REELD1: variants seen among roughly 807,000 people sequenced by gnomAD.
REELD1 encodes reeler domain containing 1.
REELD1 carries 12 observed loss-of-function variants against 6.3 expected under a neutral mutation model. That is an observed-to-expected ratio of 1.89 (90% CI 1.21 to 3.07). REELD1 has a LOEUF of 3.07. REELD1 is among the 30% of genes most tolerant of loss of function. REELD1 has a pLI of 0.00. For synonymous variants in REELD1, 57 were observed against 33.6 expected, an observed-to-expected ratio of 1.70 and a Z score of -2.42; for missense variants, 163 against 86.8, an observed-to-expected ratio of 1.88 and a Z score of -3.49.
chr4:146,223,454 C>G (rs573319008), intron 4 of REELD1, among the ~76,000 whole-genome samples: 5 of 152,368 alleles, frequency 3.3e-5, no homozygotes, highest in African/African-American at 1.2e-4. Flanking sequence ...CCAGGGCCCG[C>G]TTACCTGTGG....
chr4:146,231,896 C>T lies in REELD1; in HGVS notation c.*1383C>T, dbSNP rs1731138016. 3 of 152,204 alleles carry T rather than the reference C, an allele frequency of 2.0e-5. No homozygotes were observed. The highest frequency in any genetic ancestry group is 2.0e-4 in the Admixed American group (3 of 15,280). The allele number at this position is 152,204 out of a possible 1,614,324, so 9.4% of individuals were successfully genotyped here. On this transcript the variant is annotated 3_prime_UTR_variant, in exon 8 of 8. Coordinates refer to ENST00000623665, the MANE Select transcript of REELD1 (RefSeq NM_001354631.1). ...CTCCTGGATTCTGGGCTAGGTAGCT[C>T]TGTTCCCTGGCTTCAGCCATTAGAT...
intron 3 of REELD1, among the ~76,000 whole-genome samples, chr4:146,217,434 G>A (rs1730846689): frequency 6.6e-6 from 1 of 151,950 alleles, no homozygotes; most frequent in Admixed American, 6.6e-5. Flanking sequence ...TTTAGAGACA[G>A]GGTCTTTGTA....
Position 146,230,166 on chromosome 4 carries a change from G to A in REELD1, c.1234G>A (p.Gly412Ser), listed in dbSNP as rs1169018775. 1 of 398,720 alleles carries A rather than the reference G, an allele frequency of 2.5e-6. No homozygotes were observed. Among genetic ancestry groups the A allele is most frequent in the Non-Finnish European group, 4.4e-6 (1 of 226,254 alleles). The allele number at this position is 398,720 out of a possible 1,614,324, so 24.7% of individuals were successfully genotyped here. Residue 412 changes from glycine (G) to serine (S), a missense_variant, in exon 8 of 8, where the codon GGT becomes AGT. Coordinates refer to ENST00000623665, the MANE Select transcript of REELD1 (RefSeq NM_001354631.1). Reference protein sequence around the residue: ...ELRAGKGNGEGGVGYPRQTNP... With the variant: ...ELRAGKGNGESGVGYPRQTNP... ...CAGAGCAGGGAAGGGAAATGGAGAG[G>A]GTGGAGTGGGATACCCTCGGCAGAC...
intron 3 of REELD1, among the ~76,000 whole-genome samples, chr4:146,219,107 G>T (rs926272645): frequency 6.6e-6 from 1 of 152,154 alleles, no homozygotes; most frequent in Non-Finnish European, 1.5e-5. Context: ...AACTGAGATA[G>T]CCCCACTGCA....
In REELD1 at chr4:146,228,300, C is replaced by A; in HGVS notation, c.686C>A (p.Pro229His). The stretch of plus-strand genomic sequence containing the variant: ...GCTGCAGAGGAGGACAACCTAGATC[C>A]TGTTCCTGCCAGTATTTGGGTGACA... ...PGAAEEDNLDPVPASIWVTKF... is the reference protein window; with the variant it reads ...PGAAEEDNLDHVPASIWVTKF... The change falls in exon 6 of 8, where the codon CCT becomes CAT. Residue 229 changes from proline (P) to histidine (H), a missense_variant. Pro to His is a moderately conservative substitution (Grantham distance 77). Transcript: ENST00000623665. 1.4e-6 allele frequency: 1 copy of A among 702,588 alleles called. No homozygotes were observed. Among genetic ancestry groups the A allele is most frequent in the Non-Finnish European group, 2.6e-6 (1 of 385,008 alleles). 43.5% of individuals were successfully genotyped at this position (702,588 alleles called of 1,614,324 possible).
At chr4:146,225,514 C>A (rs1731005706) in intron 5 of REELD1, among the ~76,000 whole-genome samples, 1 of 152,128 alleles carries the variant, frequency 6.6e-6, no homozygotes, top group Admixed American at 6.6e-5. Flanking sequence ...TGCCCCACAA[C>A]CTTTGTCTTC....
At chr4:146,228,600 C>CA in intron 6 of REELD1, 78 bp downstream of exon 6, 1 of 610,632 alleles carries the variant, frequency 1.6e-6, no homozygotes, top group Non-Finnish European at 2.9e-6. Context: ...TGGAGTCTGA[C>CA]AAAAAAGATC....
chr4:146,227,778 C>G (rs1238567854), intron 5 of REELD1, among the ~76,000 whole-genome samples: 1 of 152,118 alleles, frequency 6.6e-6, no homozygotes, highest in South Asian at 2.1e-4. Flanking sequence ...AGCAGATGTT[C>G]AAGTCATTAT....
At position 146,221,781 on chromosome 4, in the gene REELD1, C is replaced by T. The variant is rs1443080362; in HGVS notation, c.209-576C>T. ...GGCTGAGGCAGGAGAATCGCCTGAA[C>T]CCAGGAGGCAGAGGTTGCAGTGAGC... is the stretch of plus-strand genomic sequence containing the variant. On this transcript the variant is annotated intron_variant, in intron 3 of 7. Coordinates refer to ENST00000623665, the MANE Select transcript of REELD1 (RefSeq NM_001354631.1). 2.0e-5 allele frequency among the ~76,000 whole-genome samples: 3 copies of T among 152,098 alleles called. No individual in the cohort carries two copies. The East Asian group carries it at 5.8e-4, about 29-fold the overall frequency.
chr4:146,229,284 A>G (rs1578703297), intron 7 of REELD1, among the ~76,000 whole-genome samples, 196 bp downstream of exon 7: 1 of 152,210 alleles, frequency 6.6e-6, no homozygotes, highest in Admixed American at 6.5e-5. Context: ...GTGATCGGCA[A>G]TTGTAGAAAT....
In REELD1 at chr4:146,217,178, T is replaced by C. The variant is rs1303225827; in HGVS notation, c.208+18T>C. 1 of 399,030 alleles carries C rather than the reference T, an allele frequency of 2.5e-6. No individual in the cohort carries two copies. Among genetic ancestry groups the C allele is most frequent in the Non-Finnish European group, 4.4e-6 (1 of 226,338 alleles). 24.7% of individuals were successfully genotyped at this position (399,030 alleles called of 1,614,324 possible). Reference sequence around the variant, plus strand: ...GATTCCAGGTATGTACCAGAGAGGCTTAGAGAGACTCCGAGGAGCCCCAGA... The same window carrying C: ...GATTCCAGGTATGTACCAGAGAGGCCTAGAGAGACTCCGAGGAGCCCCAGA... On this transcript the variant is annotated intron_variant, in intron 3 of 7. Coordinates refer to ENST00000623665, the MANE Select transcript of REELD1 (RefSeq NM_001354631.1).
At chr4:146,222,253 T>C in intron 3 of REELD1, 104 bp from the exon 4 acceptor site, 1 of 397,698 alleles carries the variant, frequency 2.5e-6, no homozygotes, top group Non-Finnish European at 4.4e-6. Flanking sequence ...TTGTTCACTT[T>C]CTGGGGGCTG....
chr4:146,229,015 T>C lies in REELD1; in HGVS notation c.909-10T>C, dbSNP rs775471985. ...TGACCTGTTTTCAGCCCTTCCATTC[T>C]TCCCTTTAGAACTCAGGATGATCCC... On this transcript the variant is annotated splice_polypyrimidine_tract_variant and intron_variant, in intron 6 of 7. Transcript: ENST00000623665. 2 of 702,416 alleles carry C rather than the reference T, an allele frequency of 2.8e-6. No homozygotes were observed. The highest frequency in any genetic ancestry group is 3.0e-5 in the South Asian group (2 of 67,556). 43.5% of individuals were successfully genotyped at this position (702,416 alleles called of 1,614,324 possible). A position where few individuals can be genotyped will look rare whatever the true frequency, so the allele number is the denominator to read the frequency against.
intron 7 of REELD1, 89 bp downstream of exon 7, chr4:146,229,177 C>T (rs1300379000): frequency 4.5e-5 from 30 of 664,836 alleles, no homozygotes; most frequent in Non-Finnish European, 7.1e-5. Context: ...AGCTATTAGA[C>T]TAGTAGCCAA....
rs1377745824 is a variant in REELD1, at chr4:146,231,649, T to C, written c.*1136T>C. On this transcript the variant is annotated 3_prime_UTR_variant, in exon 8 of 8. Coordinates refer to ENST00000623665, the MANE Select transcript of REELD1 (RefSeq NM_001354631.1). The stretch of plus-strand genomic sequence containing the variant: ...AAAGGATATTTGTTTATTGAACACC[T>C]AATTCATACGGGAACTGTGCTAAGT... Among the ~76,000 whole-genome samples the C allele has an allele frequency of 1.3e-5, 2 of 152,242 alleles. No homozygotes were observed. The highest frequency in any genetic ancestry group is 2.9e-5 in the Non-Finnish European group (2 of 68,050).
chr4:146,226,181 T>C (rs769732698), intron 5 of REELD1, among the ~76,000 whole-genome samples: 1 of 152,202 alleles, frequency 6.6e-6, no homozygotes, highest in African/African-American at 2.4e-5. Flanking sequence ...CTGAAACTTA[T>C]CTCCCAATAG....
At chr4:146,223,834 T>G (rs555973508) in intron 4 of REELD1, among the ~76,000 whole-genome samples, 1 of 152,374 alleles carries the variant, frequency 6.6e-6, no homozygotes, top group Admixed American at 6.5e-5. Context: ...TTAATCACCT[T>G]GTTATGTCTG....
intron 3 of REELD1, among the ~76,000 whole-genome samples, chr4:146,218,087 G>C (rs1325411347): frequency 1.3e-5 from 2 of 152,252 alleles, no homozygotes; most frequent in African/African-American, 4.8e-5. Flanking sequence ...AGCTGGGCAA[G>C]AGGAGATGCC....
At chr4:146,215,800 G>T (rs1730815933) in intron 2 of REELD1, among the ~76,000 whole-genome samples, 1 of 150,496 alleles carries the variant, frequency 6.6e-6, no homozygotes. Flanking sequence ...GCCCAGGCTG[G>T]AGTGCAATGG....
Sources: gnomAD v4.1 joint callset for allele counts (sites outside exome capture counted in the v4.1 genomes callset) on GRCh38, gnomAD v4.1.1 for gene constraint, MANE v1.5 for transcripts, NCBI Gene and HGNC (gene_info 2026-07-23, HGNC 2026-07-21) for gene names.